Variants in PRKRIP1 observed in about 807,000 individuals in gnomAD.
The protein encoded by PRKRIP1 is PRKR-interacting protein 1.
PRKRIP1 carries 29 observed loss-of-function variants against 29.3 expected under a neutral mutation model. That is an observed-to-expected ratio of 0.99 (90% CI 0.74 to 1.35). PRKRIP1 has a LOEUF of 1.35. Among genes scored for constraint, PRKRIP1 ranks in the 40% most tolerant of loss-of-function variants. PRKRIP1 has a pLI of 0.00. For missense variants in PRKRIP1, 247 were observed against 236.8 expected, an observed-to-expected ratio of 1.04 and a Z score of -0.28; for synonymous variants, 90 against 85.1, an observed-to-expected ratio of 1.06 and a Z score of -0.32.
chr7:102,415,045 A>C (rs1554572924), intron 5 of PRKRIP1, among the ~76,000 whole-genome samples: 1 of 152,170 alleles, frequency 6.6e-6, no homozygotes, highest in Non-Finnish European at 1.5e-5. Flanking sequence ...GTAACAGGGT[A>C]CACTCTCACC....
intron 5 of PRKRIP1, among the ~76,000 whole-genome samples, chr7:102,419,845 T>G (rs894498816): frequency 4.8e-4 from 68 of 142,818 alleles, no homozygotes; most frequent in African/African-American, 1.5e-3. Flanking sequence ...TTTTGTGTTT[T>G]TGTGTGTGTG....
In PRKRIP1 at chr7:102,397,531, G is replaced by C. The variant is rs1161117807; in HGVS notation, c.127-89G>C. On this transcript the variant is annotated intron_variant, in intron 1 of 5. Coordinates refer to ENST00000397912, the MANE Select transcript of PRKRIP1 (RefSeq NM_024653.4). ...ACTGCACTCCAGCCTGAGGAACAGA[G>C]CAAGAACCTGTCTCTAAAAAAAGAG... 6.5e-6 allele frequency: 7 copies of C among 1,082,418 alleles called. No homozygotes were observed. The African/African-American group carries it at 9.3e-5, about 14-fold the overall frequency. 67.1% of individuals were successfully genotyped at this position (1,082,418 alleles called of 1,614,324 possible). A position where few individuals can be genotyped will look rare whatever the true frequency, so the allele number is the denominator to read the frequency against.
chr7:102,425,516 C>G lies in PRKRIP1; in HGVS notation c.*405C>G, dbSNP rs1454047222. 1.0e-5 allele frequency: 3 copies of G among 296,948 alleles called. No individual in the cohort carries two copies. Among genetic ancestry groups the G allele is most frequent in the Non-Finnish European group, 1.9e-5 (3 of 154,150 alleles). 18.4% of individuals were successfully genotyped at this position (296,948 alleles called of 1,614,324 possible). On this transcript the variant is annotated 3_prime_UTR_variant, in exon 6 of 6. Transcript: ENST00000397912. ...GGAGAAGGCTGAGATGCCACCATTC[C>G]CACGGGGACTGAAGACACATTACGT...
At chr7:102,408,425 G>A (rs1796288211) in intron 5 of PRKRIP1, among the ~76,000 whole-genome samples, 1 of 152,198 alleles carries the variant, frequency 6.6e-6, no homozygotes, top group Non-Finnish European at 1.5e-5. Flanking sequence ...ATAAGGAAGA[G>A]TAGGAGGCAG....
intron 3 of PRKRIP1, among the ~76,000 whole-genome samples, chr7:102,402,429 G>A (rs782696011): frequency 7.9e-5 from 12 of 151,570 alleles, no homozygotes; most frequent in Non-Finnish European, 1.6e-4. Flanking sequence ...TGAGCCAGAC[G>A]CTGTCTCAAA....
intron 5 of PRKRIP1, among the ~76,000 whole-genome samples, chr7:102,419,619 T>C (rs1286262880): frequency 4.6e-5 from 7 of 152,162 alleles, no homozygotes; most frequent in Non-Finnish European, 1.0e-4. Context: ...TTCTGCCTTC[T>C]CCACACTGTC....
intron 3 of PRKRIP1, among the ~76,000 whole-genome samples, chr7:102,401,424 T>C (rs1796067328): frequency 6.6e-6 from 1 of 152,106 alleles, no homozygotes; most frequent in Non-Finnish European, 1.5e-5. Context: ...ATGGCCAAAA[T>C]TGAGTTAGAA....
intron 2 of PRKRIP1, among the ~76,000 whole-genome samples, chr7:102,398,710 C>T (rs781879269): frequency 3.3e-5 from 5 of 152,126 alleles, no homozygotes; most frequent in Non-Finnish European, 7.3e-5. Context: ...GGTTTAGTTC[C>T]AGGCAACCTA....
intron 4 of PRKRIP1, among the ~76,000 whole-genome samples, chr7:102,405,342 T>G (rs1796185562): frequency 6.6e-6 from 1 of 152,226 alleles, no homozygotes; most frequent in Non-Finnish European, 1.5e-5. Flanking sequence ...TGTTTATATG[T>G]GTATCTGTGT....
Position 102,396,429 on chromosome 7 carries a change from C to A in PRKRIP1, c.18C>A (p.Ala6=). 5 of 1,587,710 alleles carry A rather than the reference C, an allele frequency of 3.1e-6. No individual in the cohort carries two copies. The highest frequency in any genetic ancestry group is 4.3e-6 in the Non-Finnish European group (5 of 1,172,670). MASPA[A]SSVRPPRPKK... Reference sequence around the variant, plus strand: ...AGGCTGCCATGGCTAGCCCAGCCGCCTCCTCGGTGCGACCACCGAGGCCCA... The same window carrying A: ...AGGCTGCCATGGCTAGCCCAGCCGCATCCTCGGTGCGACCACCGAGGCCCA... Residue 6 remains alanine, a synonymous_variant, in exon 1 of 6, where the codon GCC becomes GCA. Coordinates refer to ENST00000397912, the MANE Select transcript of PRKRIP1 (RefSeq NM_024653.4).
At chr7:102,404,571 G>C in intron 3 of PRKRIP1, 27 bp from the exon 4 acceptor site, 1 of 1,598,658 alleles carries the variant, frequency 6.3e-7, no homozygotes, top group Non-Finnish European at 8.6e-7. Context: ...ACCAGAGCGT[G>C]TCTAAATGAT....
intron 4 of PRKRIP1, among the ~76,000 whole-genome samples, chr7:102,405,009 C>G (rs1586679361): frequency 6.6e-6 from 1 of 152,138 alleles, no homozygotes; most frequent in Admixed American, 6.6e-5. Context: ...TCACTGCAAC[C>G]TCCGCCTCCT....
chr7:102,417,357 G>C (rs1177506747), intron 5 of PRKRIP1, among the ~76,000 whole-genome samples: 2 of 152,154 alleles, frequency 1.3e-5, no homozygotes, highest in African/African-American at 4.8e-5. Flanking sequence ...GTGTGGGGCT[G>C]TGTTCCTCCT....
chr7:102,404,105 G>A (rs1273824857), intron 3 of PRKRIP1, among the ~76,000 whole-genome samples: 1 of 152,222 alleles, frequency 6.6e-6, no homozygotes, highest in South Asian at 2.1e-4. Flanking sequence ...GTTCAAGGTT[G>A]TAGTGAGCTA....
At position 102,396,481 on chromosome 7, in the gene PRKRIP1, C is replaced by A. The variant is rs782553394; in HGVS notation, c.70C>A (p.Pro24Thr). ...GAAAGAGCCGCAGACGCTCGTCATC[C>A]CCAAGAATGCGGCGGAGGAGCAGAA... The part of the protein sequence containing the change: ...PKKEPQTLVI[P>T]KNAAEEQKLK... Residue 24 changes from proline to threonine, a missense_variant, in exon 1 of 6, where the codon CCC (proline) becomes ACC (threonine). Transcript: ENST00000397912. 3 of 1,610,140 alleles carry A rather than the reference C, an allele frequency of 1.9e-6. No individual in the cohort carries two copies. Among genetic ancestry groups the A allele is most frequent in the Non-Finnish European group, 2.5e-6 (3 of 1,179,168 alleles).
At chr7:102,421,004 C>G (rs782216790) in intron 5 of PRKRIP1, among the ~76,000 whole-genome samples, 1 of 152,146 alleles carries the variant, frequency 6.6e-6, no homozygotes, top group East Asian at 1.9e-4. Context: ...ATGCCCCACA[C>G]GGTGCCCAGA....
At chr7:102,408,503 A>G (rs781816768) in intron 5 of PRKRIP1, among the ~76,000 whole-genome samples, 38 of 152,178 alleles carry the variant, frequency 2.5e-4, no homozygotes, top group Non-Finnish European at 4.7e-4. Flanking sequence ...TCACAATGCT[A>G]GTGGTGCTAT....
At chr7:102,423,371 C>T (rs1049969211) in intron 5 of PRKRIP1, 18 of 360,526 alleles carry the variant, frequency 5.0e-5, no homozygotes, top group Non-Finnish European at 9.4e-5. Flanking sequence ...ACCTCGGCCT[C>T]CCAGGGTGTT....
chr7:102,411,303 G>T (rs1180276416), intron 5 of PRKRIP1, among the ~76,000 whole-genome samples: 7 of 151,924 alleles, frequency 4.6e-5, no homozygotes, highest in African/African-American at 1.7e-4. Context: ...CTCCCGCCTT[G>T]GCCTCTCAAA....
Sources: allele counts gnomAD v4.1 joint callset (sites outside exome capture counted in the v4.1 genomes callset), GRCh38; gene constraint gnomAD v4.1.1; transcripts MANE v1.5; gene names NCBI Gene and HGNC (gene_info 2026-07-23, HGNC 2026-07-21).